FGF14: variants seen among roughly 807,000 people sequenced by gnomAD.
FGF14 encodes fibroblast growth factor 14.
A neutral mutation model predicts 25.5 loss-of-function variants in FGF14; 5 were observed. That is an observed-to-expected ratio of 0.20 (90% CI 0.10 to 0.41). FGF14 has a LOEUF of 0.41. FGF14 is among the 10% of genes least tolerant of loss of function. FGF14 has a pLI of 1.00. For synonymous variants in FGF14, 138 were observed against 118.3 expected, an observed-to-expected ratio of 1.17 and a Z score of -1.08; for missense variants, 222 against 320.1, an observed-to-expected ratio of 0.69 and a Z score of 2.34.
At chr13:102,366,648 T>C (rs1160374712) in intron 1 of FGF14, 1 of 145,288 alleles carries the variant, frequency 6.9e-6, no homozygotes, top group Non-Finnish European at 1.5e-5. Flanking sequence ...AAAAAGCGGT[T>C]ACTTCTAGAT....
At chr13:102,097,399 TC>T (rs1327942172) in intron 1 of FGF14, among the ~76,000 whole-genome samples, 1 of 152,190 alleles carries the variant, frequency 6.6e-6, no homozygotes, top group Non-Finnish European at 1.5e-5. Context: ...CAAATAGTTT[TC>T]CAATATGCTT....
At chr13:102,211,153 A>T (rs1290383944) in intron 1 of FGF14, among the ~76,000 whole-genome samples, 1 of 152,164 alleles carries the variant, frequency 6.6e-6, no homozygotes, top group Admixed American at 6.5e-5. Flanking sequence ...CAACATAAAA[A>T]TCACTCATTA....
At chr13:101,855,303 T>C (rs1017335378) in intron 3 of FGF14, among the ~76,000 whole-genome samples, 5 of 152,040 alleles carry the variant, frequency 3.3e-5, no homozygotes, top group Admixed American at 6.6e-5. Context: ...CCATTTCACA[T>C]AATCAAGAAT....
intron 1 of FGF14, among the ~76,000 whole-genome samples, chr13:102,305,068 C>A (rs2055298632): frequency 6.6e-6 from 1 of 152,134 alleles, no homozygotes; most frequent in African/African-American, 2.4e-5. Flanking sequence ...CCTGAAAAGT[C>A]ATGAGTCCTA....
chr13:102,049,395 A>G (rs1417713916), intron 1 of FGF14, among the ~76,000 whole-genome samples: 1 of 152,188 alleles, frequency 6.6e-6, no homozygotes, highest in African/African-American at 2.4e-5. Context: ...CCTCACTGTC[A>G]CTGTGAAACC....
At chr13:101,963,375 C>T (rs1480667654) in intron 1 of FGF14, among the ~76,000 whole-genome samples, 1 of 152,098 alleles carries the variant, frequency 6.6e-6, no homozygotes, top group East Asian at 1.9e-4. Context: ...TACTGAGTTG[C>T]TCCATTTCCT....
In FGF14 at chr13:102,216,107, T is replaced by C. The variant is rs371309210; in HGVS notation, c.208+185364A>G. On this transcript the variant is annotated intron_variant, in intron 1 of 4. Coordinates refer to the FGF14 transcript ENST00000376131. ...AAAAACAAAAAACCCTATGAAAGCATGGTAAAAGAAGAAAGGGGATTCGCA... is the reference window on the plus strand; with the variant it reads ...AAAAACAAAAAACCCTATGAAAGCACGGTAAAAGAAGAAAGGGGATTCGCA... 1.1e-4 allele frequency among the ~76,000 whole-genome samples: 17 copies of C among 152,276 alleles called. No homozygotes were observed. In the East Asian group the frequency reaches 2.9e-3, roughly 26 times the overall value.
At chr13:102,064,878 T>C (rs529068291) in intron 1 of FGF14, among the ~76,000 whole-genome samples, 2 of 152,146 alleles carry the variant, frequency 1.3e-5, no homozygotes, top group South Asian at 4.1e-4. Flanking sequence ...ATGAGGGACA[T>C]GAGCATCCCT....
chr13:102,049,735 A>C (rs536607163), intron 1 of FGF14, among the ~76,000 whole-genome samples: 1 of 152,096 alleles, frequency 6.6e-6, no homozygotes, highest in Non-Finnish European at 1.5e-5. Flanking sequence ...GGGGAAATTT[A>C]CACACACGCA....
At position 102,311,039 on chromosome 13, in the gene FGF14, TACAC is replaced by T. The variant is rs377345204; in HGVS notation, c.208+90428_208+90431del. Among the ~76,000 whole-genome samples the T allele has an allele frequency of 8.0e-5, 12 of 150,486 alleles. No individual in the cohort carries two copies. The South Asian group carries it at 1.9e-3, about 24-fold the overall frequency. On this transcript the variant is annotated intron_variant, in intron 1 of 4. Transcript: ENST00000376131. ...ACTTGCATCAAAATTTACACACACA[TACAC>T]ACACACACACACAATTTAAAAAGGA... is the stretch of plus-strand genomic sequence containing the variant.
chr13:102,273,366 T>C (rs1314156771), intron 1 of FGF14, among the ~76,000 whole-genome samples: 2 of 152,208 alleles, frequency 1.3e-5, no homozygotes, highest in African/African-American at 4.8e-5. Context: ...TTCCTGTGCA[T>C]AGCCTTCACC....
chr13:102,179,498 C>G, intron 1 of FGF14, among the ~76,000 whole-genome samples: 1 of 152,086 alleles, frequency 6.6e-6, no homozygotes, highest in Non-Finnish European at 1.5e-5. Context: ...CTTTTAACAC[C>G]ACCACCATCA....
intron 1 of FGF14, among the ~76,000 whole-genome samples, chr13:101,983,637 C>T (rs373984075): frequency 6.6e-6 from 1 of 152,128 alleles, no homozygotes; most frequent in Non-Finnish European, 1.5e-5. Context: ...GCCTTACTTA[C>T]TATATTAGTT....
At chr13:102,299,236 C>G (rs2054895984) in intron 1 of FGF14, among the ~76,000 whole-genome samples, 1 of 152,048 alleles carries the variant, frequency 6.6e-6, no homozygotes, top group African/African-American at 2.4e-5. Flanking sequence ...CGAAAAGCTT[C>G]TTAAAAAATT....
chr13:102,392,405 A>G (rs1231326085), intron 1 of FGF14, among the ~76,000 whole-genome samples: 1 of 152,212 alleles, frequency 6.6e-6, no homozygotes, highest in Admixed American at 6.5e-5. Context: ...TAAAAAAATC[A>G]TTTTGGCATA....
chr13:101,835,241 G>A (rs1189787236), intron 3 of FGF14, among the ~76,000 whole-genome samples: 9 of 152,036 alleles, frequency 5.9e-5, no homozygotes, highest in Non-Finnish European at 1.3e-4. Context: ...GTGTGTGTGA[G>A]AGAGAGACTG....
intron 1 of FGF14, among the ~76,000 whole-genome samples, chr13:102,213,351 T>A (rs1253408794): frequency 6.6e-6 from 1 of 152,188 alleles, no homozygotes; most frequent in African/African-American, 2.4e-5. Flanking sequence ...ACATAATTCC[T>A]CCTAGAACAT....
chr13:102,263,843 G>A (rs2052844462), intron 1 of FGF14, among the ~76,000 whole-genome samples: 1 of 152,106 alleles, frequency 6.6e-6, no homozygotes, highest in Non-Finnish European at 1.5e-5. Flanking sequence ...TAACGTATTT[G>A]AAAGGCCAAA....
intron 1 of FGF14, among the ~76,000 whole-genome samples, chr13:102,202,303 A>T (rs77349630): frequency 5.9e-5 from 9 of 152,312 alleles, no homozygotes; most frequent in East Asian, 5.8e-4. Context: ...TGGTCGGGAA[A>T]CAGTTAGTGC....
Sources: allele counts gnomAD v4.1 joint callset (sites outside exome capture counted in the v4.1 genomes callset), GRCh38; gene constraint gnomAD v4.1.1; transcripts MANE v1.5; gene names NCBI Gene and HGNC (gene_info 2026-07-23, HGNC 2026-07-21).